The following GSTCD variants were observed in gnomAD, a reference collection of about 807,000 sequenced individuals.
GSTCD encodes the protein glutathione S-transferase C-terminal domain-containing protein.
In GSTCD, 44 loss-of-function variants were observed where a neutral mutation model predicts 68.3. The observed-to-expected ratio is 0.64, with a 90% CI of 0.51 to 0.83. GSTCD has a LOEUF of 0.83. GSTCD is among the 40% of genes least tolerant of loss of function. The pLI, the probability that GSTCD is intolerant of heterozygous loss-of-function variation, is 0.00. For synonymous variants in GSTCD, 273 were observed against 255.2 expected (o/e 1.07, Z -0.67); for missense variants, 739 against 735.9 (o/e 1.00, Z -0.05).
At chr4:105,716,726 T>G (rs1461846209) in intron 1 of GSTCD, among the ~76,000 whole-genome samples, 2 of 152,196 alleles carry the variant, frequency 1.3e-5, no homozygotes, top group African/African-American at 2.4e-5. Flanking sequence ...ATGAAACTGG[T>G]CCGTGGTGCC....
At chr4:105,826,427 T>G (rs1298146199) in intron 8 of GSTCD, among the ~76,000 whole-genome samples, 1 of 152,070 alleles carries the variant, frequency 6.6e-6, no homozygotes, top group Non-Finnish European at 1.5e-5. Context: ...TGCTGCTATT[T>G]CTTATATTTG....
chr4:105,743,583 T>A (rs1404685019), intron 5 of GSTCD, among the ~76,000 whole-genome samples: 1 of 151,860 alleles, frequency 6.6e-6, no homozygotes, highest in African/African-American at 2.4e-5. Flanking sequence ...ATGGACTGTT[T>A]GGGAGTAAGT....
chr4:105,732,293 A>G (rs538317939), intron 5 of GSTCD, among the ~76,000 whole-genome samples: 9 of 152,296 alleles, frequency 5.9e-5, no homozygotes, highest in African/African-American at 1.9e-4. Flanking sequence ...TACCTCTGGT[A>G]GAATTCGGCT....
intron 5 of GSTCD, among the ~76,000 whole-genome samples, chr4:105,786,170 T>C (rs966520066): frequency 6.6e-6 from 1 of 152,096 alleles, no homozygotes; most frequent in Non-Finnish European, 1.5e-5. Context: ...ACACTAAAAA[T>C]ACAAGCAATA....
Position 105,733,223 on chromosome 4 carries a change from G to A in GSTCD, c.1240+3724G>A, listed in dbSNP as rs1441664386. 3.3e-5 allele frequency among the ~76,000 whole-genome samples: 5 copies of A among 152,160 alleles called. No individual in the cohort carries two copies. The East Asian group carries it at 9.6e-4, about 29-fold the overall frequency. ...TTTGGTTTGCTTGGTGTGGAGCTGA[G>A]TTCAATTCCTGGCTATCCTTGTGAA... On this transcript the variant is annotated intron_variant, in intron 5 of 11. Coordinates refer to ENST00000515279, the MANE Select transcript of GSTCD (RefSeq NM_001370181.1).
At chr4:105,832,656 T>G (rs376316384) in intron 8 of GSTCD, among the ~76,000 whole-genome samples, 2 of 152,212 alleles carry the variant, frequency 1.3e-5, no homozygotes, top group Admixed American at 6.5e-5. Flanking sequence ...TTCCCAAGAC[T>G]TCATTTCCTC....
chr4:105,813,557 T>A (rs1722841339), intron 5 of GSTCD, among the ~76,000 whole-genome samples: 1 of 152,202 alleles, frequency 6.6e-6, no homozygotes, highest in African/African-American at 2.4e-5. Flanking sequence ...CTTGCAAATT[T>A]TCCAAAATCC....
rs761574598 is a variant in GSTCD at position 105,710,232 on chromosome 4, AT to A, written c.-22+1239del. Among the ~76,000 whole-genome samples, 10 of 85,684 alleles carry A rather than the reference AT, an allele frequency of 1.2e-4. No homozygotes were observed. The South Asian group carries it at 3.7e-3, about 32-fold the overall frequency. 56.2% of individuals were successfully genotyped at this position (85,684 alleles called of 152,430 possible). A position where few individuals can be genotyped will look rare whatever the true frequency, so the allele number is the denominator to read the frequency against. On this transcript the variant is annotated intron_variant, in intron 1 of 11. Coordinates refer to ENST00000515279, the MANE Select transcript of GSTCD (RefSeq NM_001370181.1). ...AGCTTCTGTAGTAGTGGGCCCATCAATTTTTTTTTTTTTTTTTTTTTTTGAG... is the reference window on the plus strand; with the variant it reads ...AGCTTCTGTAGTAGTGGGCCCATCAATTTTTTTTTTTTTTTTTTTTTTGAG...
intron 5 of GSTCD, among the ~76,000 whole-genome samples, chr4:105,754,592 C>G (rs915796158): frequency 2.6e-5 from 4 of 152,094 alleles, no homozygotes; most frequent in Non-Finnish European, 4.4e-5. Context: ...GATTACACAG[C>G]AAATATTTTC....
At chr4:105,752,788 A>G (rs1200309464) in intron 5 of GSTCD, among the ~76,000 whole-genome samples, 2 of 152,086 alleles carry the variant, frequency 1.3e-5, no homozygotes, top group African/African-American at 4.8e-5. Flanking sequence ...TATTAATAAT[A>G]CTATTTTTAA....
rs778766511 is a variant in GSTCD at position 105,726,611 on chromosome 4, G to A, written c.927G>A (p.Leu309=). Reference sequence around the variant, plus strand: ...TCAGCAGGAAATTTTCTGAGAAGCTGGTAGAATTTCCATTGCTAGCCTCTT... The same window carrying A: ...TCAGCAGGAAATTTTCTGAGAAGCTAGTAGAATTTCCATTGCTAGCCTCTT... The part of the protein sequence containing the change: ...VIISRKFSEK[L]VEFPLLASWY... The change falls in exon 4 of 12, where the codon CTG becomes CTA. Residue 309 remains leucine, a synonymous_variant. Transcript: ENST00000515279. 6.2e-7 allele frequency: 1 copy of A among 1,606,542 alleles called. No homozygotes were observed. Among genetic ancestry groups the A allele is most frequent in the Non-Finnish European group, 8.5e-7 (1 of 1,175,526 alleles).
chr4:105,797,760 CTTTTTTTTTTTTTTTTTT>C (rs70941218), intron 5 of GSTCD, among the ~76,000 whole-genome samples: 1 of 84,952 alleles, frequency 1.2e-5, no homozygotes, highest in African/African-American at 4.7e-5. Context: ...CACAATAGAA[CTTTTTTTTTTTTTTTTTT>C]TTTTTTTTTT....
chr4:105,840,022 C>A (rs887047108), intron 10 of GSTCD, among the ~76,000 whole-genome samples: 1 of 152,202 alleles, frequency 6.6e-6, no homozygotes, highest in African/African-American at 2.4e-5. Context: ...TCTTGAGACT[C>A]ACTTTGGAAG....
intron 1 of GSTCD, among the ~76,000 whole-genome samples, chr4:105,710,232 ATTTTTTT>A (rs761574598): frequency 4.7e-5 from 4 of 85,722 alleles, no homozygotes; most frequent in Non-Finnish European, 8.0e-5. Context: ...GGGCCCATCA[ATTTTTTT>A]TTTTTTTTTT....
At chr4:105,782,205 A>C (rs1735299966) in intron 5 of GSTCD, among the ~76,000 whole-genome samples, 1 of 152,206 alleles carries the variant, frequency 6.6e-6, no homozygotes, top group African/African-American at 2.4e-5. Flanking sequence ...AAAAGGAAAA[A>C]GGAGAAAGAC....
intron 5 of GSTCD, chr4:105,821,158 CT>C (rs1723267460): frequency 6.6e-6 from 1 of 151,858 alleles, no homozygotes; most frequent in Non-Finnish European, 1.5e-5. Flanking sequence ...CTTTCCTCCC[CT>C]CTTCTTGTTC....
At chr4:105,833,250 C>T (rs369446550) in intron 8 of GSTCD, among the ~76,000 whole-genome samples, 114 of 152,110 alleles carry the variant, frequency 7.5e-4, no homozygotes, top group African/African-American at 2.5e-3. Context: ...GGATCACCTG[C>T]GGTCGGGAGT....
At chr4:105,752,404 G>T (rs1238823621) in intron 5 of GSTCD, among the ~76,000 whole-genome samples, 3 of 152,004 alleles carry the variant, frequency 2.0e-5, no homozygotes, top group Non-Finnish European at 4.4e-5. Context: ...CATAATGACT[G>T]ATTATCAATA....
At chr4:105,725,664 G>A (rs910263566) in intron 3 of GSTCD, among the ~76,000 whole-genome samples, 3 of 151,778 alleles carry the variant, frequency 2.0e-5, no homozygotes, top group African/African-American at 7.3e-5. Context: ...CATTTTAATT[G>A]TGTTGTTCAT....
Sources: gnomAD v4.1 joint callset for allele counts (sites outside exome capture counted in the v4.1 genomes callset) on GRCh38, gnomAD v4.1.1 for gene constraint, MANE v1.5 for transcripts, NCBI Gene and HGNC (gene_info 2026-07-23, HGNC 2026-07-21) for gene names.